CDK6: variants seen among roughly 807,000 people sequenced by gnomAD.
CDK6 encodes the protein cyclin dependent kinase 6, also known as cyclin-dependent kinase 6.
A neutral mutation model predicts 37.1 loss-of-function variants in CDK6; 6 were observed. The observed-to-expected ratio is 0.16, with a 90% CI of 0.09 to 0.32. The LOEUF (loss-of-function observed/expected upper bound fraction) is 0.32. Among genes scored for constraint, CDK6 ranks in the 10% least tolerant of loss-of-function variants. The pLI is 1.00. For synonymous variants in CDK6, 160 were observed against 161.3 expected (o/e 0.99, Z 0.06); for missense variants, 224 against 418.9 (o/e 0.53, Z 4.06).
At position 92,833,934 on chromosome 7, in the gene CDK6, G is replaced by T. The variant is rs1160549841; in HGVS notation, c.-367-244C>A. 2.5e-6 allele frequency: 1 copy of T among 398,926 alleles called. No individual in the cohort carries two copies. Among genetic ancestry groups the T allele is most frequent in the South Asian group, 1.3e-4 (1 of 7,880 alleles). The allele number at this position is 398,926 out of a possible 1,614,324, so 24.7% of individuals were successfully genotyped here. A position where few individuals can be genotyped will look rare whatever the true frequency, so the allele number is the denominator to read the frequency against. On this transcript the variant is annotated intron_variant, in intron 1 of 7. Coordinates refer to ENST00000424848, the MANE Select transcript of CDK6 (RefSeq NM_001145306.2). This position sits in a 1 kb window ranked among gnomAD's most constrained non-coding sequence, Gnocchi z 6.1. ...GGAGAGGTTGCAGGGGCCCCTCGGG[G>T]ATGAGCGAGCGGCGCGGGACGCAGT...
intron 2 of CDK6, among the ~76,000 whole-genome samples, chr7:92,782,464 G>A (rs545120047): frequency 2.0e-5 from 3 of 152,300 alleles, no homozygotes; most frequent in Admixed American, 1.3e-4. Context: ...CCTGGATTGA[G>A]TGATGATGAA....
At chr7:92,768,399 C>T (rs1025720118) in intron 3 of CDK6, among the ~76,000 whole-genome samples, 5 of 152,140 alleles carry the variant, frequency 3.3e-5, no homozygotes, top group Non-Finnish European at 1.5e-5. Context: ...TCTTTTAAAC[C>T]AGAACTATGT....
intron 4 of CDK6, among the ~76,000 whole-genome samples, chr7:92,685,019 T>C (rs1797417182): frequency 6.6e-6 from 1 of 152,200 alleles, no homozygotes; most frequent in African/African-American, 2.4e-5. Flanking sequence ...TTTAATTTCC[T>C]CTTTCTTTTA....
At chr7:92,749,197 T>TAAAAA (rs75300713) in intron 3 of CDK6, among the ~76,000 whole-genome samples, 1 of 82,730 alleles carries the variant, frequency 1.2e-5, no homozygotes, top group African/African-American at 4.5e-5. Context: ...AGACTCTGCC[T>TAAAAA]AAAAAAAAAA....
chr7:92,821,520 C>CA (rs1342214469), intron 2 of CDK6, among the ~76,000 whole-genome samples: 1 of 151,880 alleles, frequency 6.6e-6, no homozygotes, highest in Non-Finnish European at 1.5e-5. Context: ...TTATTTTAAA[C>CA]AAAAAACTGC....
chr7:92,787,343 A>G (rs1800170531), intron 2 of CDK6, among the ~76,000 whole-genome samples: 1 of 152,064 alleles, frequency 6.6e-6, no homozygotes, highest in South Asian at 2.1e-4. Flanking sequence ...AGAATCATAA[A>G]AGCCTATTTT....
chr7:92,674,972 C>T (rs1562931999), intron 4 of CDK6, among the ~76,000 whole-genome samples: 1 of 152,112 alleles, frequency 6.6e-6, no homozygotes. Flanking sequence ...GCTGGGACTA[C>T]AGGCACACGC....
rs17164735 is a variant in CDK6 at position 92,709,127 on chromosome 7, G to A, written c.537+16499C>T. Among the ~76,000 whole-genome samples, 659 of 151,986 alleles carry A rather than the reference G, an allele frequency of 4.3e-3. 4 individuals carry two copies. Among genetic ancestry groups the A allele is most frequent in the African/African-American group, 0.015 (623 of 41,422 alleles). On this transcript the variant is annotated intron_variant, in intron 4 of 7. Coordinates refer to ENST00000424848, the MANE Select transcript of CDK6 (RefSeq NM_001145306.2). ...CATTCTTGCTCTCACGTAGCCCCTC[G>A]TCACACATCTTTCTTAAAACAGCCT...
chr7:92,661,577 C>T (rs776750353), intron 5 of CDK6, among the ~76,000 whole-genome samples: 9 of 152,110 alleles, frequency 5.9e-5, no homozygotes, highest in Non-Finnish European at 1.3e-4. Context: ...TTAAGAAAAT[C>T]ATGAGAATGA....
intron 2 of CDK6, among the ~76,000 whole-genome samples, chr7:92,794,564 A>G (rs1194628693): frequency 6.6e-6 from 1 of 152,016 alleles, no homozygotes; most frequent in East Asian, 1.9e-4. Context: ...TGCTGCCTAG[A>G]AAGCTCTCTT....
intron 2 of CDK6, among the ~76,000 whole-genome samples, chr7:92,781,799 G>T (rs570629266): frequency 6.6e-6 from 1 of 152,206 alleles, no homozygotes; most frequent in African/African-American, 2.4e-5. Context: ...GCCAGTATTT[G>T]GAATCGAGAA....
chr7:92,668,426 T>TTA (rs1797005357), intron 5 of CDK6, among the ~76,000 whole-genome samples: 1 of 140,400 alleles, frequency 7.1e-6, no homozygotes, highest in East Asian at 2.8e-4. Context: ...CAGAGAGTAG[T>TTA]AAAAAAAACC....
chr7:92,641,824 A>G (rs919896498), intron 5 of CDK6, among the ~76,000 whole-genome samples: 4 of 152,226 alleles, frequency 2.6e-5, no homozygotes, highest in African/African-American at 7.2e-5. Flanking sequence ...CATTAAATGC[A>G]TAAGTCATTG....
intron 3 of CDK6, among the ~76,000 whole-genome samples, chr7:92,738,554 G>A (rs539172973): frequency 5.3e-5 from 8 of 151,560 alleles, no homozygotes; most frequent in Admixed American, 2.6e-4. Flanking sequence ...CAGGAGACTC[G>A]CTTGAACCCT....
intron 5 of CDK6, among the ~76,000 whole-genome samples, chr7:92,652,727 T>C (rs1200045530): frequency 6.6e-6 from 1 of 152,192 alleles, no homozygotes; most frequent in African/African-American, 2.4e-5. Flanking sequence ...GCTGAAGTCA[T>C]AGTTCTCAGA....
chr7:92,672,190 TACACACAC>T (rs71107866), intron 4 of CDK6, among the ~76,000 whole-genome samples: 175 of 62,778 alleles, frequency 2.8e-3, no homozygotes, highest in East Asian at 0.015. Flanking sequence ...CACAGACACA[TACACACAC>T]ACACACACAC....
intron 5 of CDK6, among the ~76,000 whole-genome samples, chr7:92,663,829 A>G (rs1585380058): frequency 6.6e-6 from 1 of 152,024 alleles, no homozygotes; most frequent in Admixed American, 6.6e-5. Flanking sequence ...ACCATCTTGG[A>G]TATTTCCTCA....
chr7:92,816,693 TGTA>T lies in CDK6; in HGVS notation c.233+16395_233+16397del, dbSNP rs1200279309. Among the ~76,000 whole-genome samples the T allele has an allele frequency of 2.0e-5, 3 of 151,756 alleles. No individual in the cohort carries two copies. In the South Asian group the frequency reaches 6.2e-4, roughly 31 times the overall value. On this transcript the variant is annotated intron_variant, in intron 2 of 7. Transcript: ENST00000424848. Reference sequence around the variant, plus strand: ...AAAACTAAGAACAAATTAAACCCAATGTAAGTAGGAAAAGAAGATAAAAACAAA... The same window carrying T: ...AAAACTAAGAACAAATTAAACCCAATAGTAGGAAAAGAAGATAAAAACAAA...
chr7:92,719,622 T>A (rs1484050991), intron 4 of CDK6, among the ~76,000 whole-genome samples: 1 of 152,198 alleles, frequency 6.6e-6, no homozygotes, highest in Non-Finnish European at 1.5e-5. Context: ...TCCATTATGG[T>A]ACAAAGAGGA....
Sources: allele counts gnomAD v4.1 joint callset (sites outside exome capture counted in the v4.1 genomes callset), GRCh38; gene constraint gnomAD v4.1.1; non-coding constraint Gnocchi (gnomAD v3.1); transcripts MANE v1.5; gene names NCBI Gene and HGNC (gene_info 2026-07-23, HGNC 2026-07-21).